The following SLX9 variants were observed in gnomAD, a reference collection of about 807,000 sequenced individuals.
The protein encoded by SLX9 is ribosome biogenesis protein SLX9 homolog.
Under a neutral mutation model 20.8 loss-of-function variants are expected in SLX9, and 19 were observed. The ratio of observed to expected loss-of-function variants is 0.91; its 90% CI spans 0.64 to 1.34. SLX9 has a LOEUF of 1.34. Among genes scored for constraint, SLX9 ranks in the 40% most tolerant of loss-of-function variants. The pLI is 0.00. For synonymous variants in SLX9, 113 were observed against 137.1 expected (o/e 0.82, Z 1.23); for missense variants, 299 against 322.2 (o/e 0.93, Z 0.55).
chr21:44,951,971 C>T (rs1030635672), intron 2 of SLX9, among the ~76,000 whole-genome samples: 10 of 133,132 alleles, frequency 7.5e-5, no homozygotes, highest in Admixed American at 4.2e-4. Context: ...TCCACCTGGT[C>T]CCTGTCCTGG....
At chr21:44,949,252 C>G (rs2084707084) in intron 2 of SLX9, among the ~76,000 whole-genome samples, 1 of 152,176 alleles carries the variant, frequency 6.6e-6, no homozygotes, top group African/African-American at 2.4e-5. Flanking sequence ...CTCCCCCTCG[C>G]ACGGTTTGTG....
chr21:44,961,808 C>T (rs1041882693), intron 3 of SLX9, among the ~76,000 whole-genome samples: 4 of 152,056 alleles, frequency 2.6e-5, no homozygotes, highest in African/African-American at 7.2e-5. Context: ...TGATCACTCC[C>T]GTTTTAGCTT....
At position 44,968,608 on chromosome 21, in the gene SLX9, C is replaced by T. The variant is rs537186625; in HGVS notation, c.500+1427C>T. On this transcript the variant is annotated intron_variant, in intron 4 of 5. Coordinates refer to ENST00000291634, the MANE Select transcript of SLX9 (RefSeq NM_058190.4). ...CTGCCCTTCCCCTGTGGCTGGAAGGCACCACCCAGGTGTGGGTGCTGAGGC... is the reference window on the plus strand; with the variant it reads ...CTGCCCTTCCCCTGTGGCTGGAAGGTACCACCCAGGTGTGGGTGCTGAGGC... Among the ~76,000 whole-genome samples the T allele has an allele frequency of 2.0e-4, 31 of 152,322 alleles. No homozygotes were observed. In the South Asian group the frequency reaches 5.6e-3, roughly 27 times the overall value.
At chr21:44,966,318 G>A (rs2085033255) in intron 3 of SLX9, among the ~76,000 whole-genome samples, 1 of 152,146 alleles carries the variant, frequency 6.6e-6, no homozygotes, top group Admixed American at 6.5e-5. Context: ...CCTGTGTCAC[G>A]AGCTGGCAGT....
intron 2 of SLX9, among the ~76,000 whole-genome samples, chr21:44,953,486 T>C (rs916265778): frequency 6.7e-6 from 1 of 150,368 alleles, no homozygotes; most frequent in African/African-American, 2.5e-5. Flanking sequence ...GAGCCTGTCC[T>C]GCACCATCCC....
intron 2 of SLX9, among the ~76,000 whole-genome samples, chr21:44,944,853 G>A (rs1335189960): frequency 1.3e-5 from 2 of 152,236 alleles, no homozygotes; most frequent in Non-Finnish European, 2.9e-5. Context: ...ACACTTGATC[G>A]CTCTGGGCCT....
intron 1 of SLX9, among the ~76,000 whole-genome samples, chr21:44,942,535 A>C (rs2084567933): frequency 6.6e-6 from 1 of 152,220 alleles, no homozygotes; most frequent in African/African-American, 2.4e-5. Context: ...CCTCATCTGC[A>C]TCCTGTCTCC....
intron 4 of SLX9, among the ~76,000 whole-genome samples, chr21:44,969,503 C>T (rs2085104274): frequency 6.6e-6 from 1 of 152,210 alleles, no homozygotes; most frequent in Non-Finnish European, 1.5e-5. Flanking sequence ...CTGAGAGCCT[C>T]CTGTCGCTGG....
At chr21:44,965,908 G>A (rs1056748978) in intron 3 of SLX9, among the ~76,000 whole-genome samples, 9 of 152,072 alleles carry the variant, frequency 5.9e-5, no homozygotes, top group Middle Eastern at 3.2e-3. Context: ...GCCGAGTAAC[G>A]TGTCTACCAC....
intron 2 of SLX9, among the ~76,000 whole-genome samples, chr21:44,955,089 G>A (rs925852879): frequency 1.3e-4 from 20 of 151,988 alleles, no homozygotes; most frequent in African/African-American, 4.8e-4. Flanking sequence ...GGTGGTGTGT[G>A]CCTGTAATTC....
At chr21:44,965,102 C>A (rs1303953114) in intron 3 of SLX9, among the ~76,000 whole-genome samples, 1 of 152,214 alleles carries the variant, frequency 6.6e-6, no homozygotes, top group Non-Finnish European at 1.5e-5. Flanking sequence ...AATGTTTTTA[C>A]TATTCTTATG....
At chr21:44,950,732 G>A (rs959577323) in intron 2 of SLX9, among the ~76,000 whole-genome samples, 13 of 152,366 alleles carry the variant, frequency 8.5e-5, no homozygotes, top group African/African-American at 3.1e-4. Context: ...CAGACATAGT[G>A]CTGTTTCCTC....
intron 2 of SLX9, among the ~76,000 whole-genome samples, chr21:44,945,864 TGCCACCACGCCCAGCTAAC>T (rs937137863): frequency 5.9e-5 from 9 of 152,348 alleles, no homozygotes; most frequent in Non-Finnish European, 8.8e-5. Flanking sequence ...AACAGGCACA[TGCCACCACGCCCAGCTAAC>T]GCCACCACGC....
intron 2 of SLX9, among the ~76,000 whole-genome samples, chr21:44,954,591 C>T (rs2084820506): frequency 6.6e-6 from 1 of 152,162 alleles, no homozygotes; most frequent in Non-Finnish European, 1.5e-5. Flanking sequence ...GGCACAGGGC[C>T]CAGTGGTGGA....
upstream of SLX9, chr21:44,939,939 G>A: frequency 9.0e-7 from 1 of 1,106,432 alleles, no homozygotes; most frequent in Non-Finnish European, 1.2e-6. Context: ...GCCGCTTCCG[G>A]GTACTTCCGG....
intron 3 of SLX9, among the ~76,000 whole-genome samples, chr21:44,965,346 C>T (rs574843018): frequency 3.3e-5 from 5 of 152,296 alleles, no homozygotes; most frequent in African/African-American, 1.2e-4. Context: ...GGGTCCCGCC[C>T]CGCCACTGCC....
intron 2 of SLX9, among the ~76,000 whole-genome samples, chr21:44,948,931 C>G (rs1601381260): frequency 6.6e-6 from 1 of 152,192 alleles, no homozygotes; most frequent in East Asian, 1.9e-4. Flanking sequence ...CCATTGCAGG[C>G]CAGCGCCAAG....
rs151261709 is a variant in SLX9 at position 44,962,130 on chromosome 21, T to C, written c.352+1962T>C. Among the ~76,000 whole-genome samples the C allele has an allele frequency of 7.9e-5, 12 of 152,366 alleles. No individual in the cohort carries two copies. The East Asian group carries it at 2.1e-3, about 27-fold the overall frequency. ...CATCAGTACACTCCACCCCAAATAA[T>C]TCTGCTAGAGTTCATGGTTCTTTTT... is the stretch of plus-strand genomic sequence containing the variant. On this transcript the variant is annotated intron_variant, in intron 3 of 5. Coordinates refer to ENST00000291634, the MANE Select transcript of SLX9 (RefSeq NM_058190.4).
chr21:44,944,623 T>C (rs939350757), intron 2 of SLX9, among the ~76,000 whole-genome samples: 2 of 152,242 alleles, frequency 1.3e-5, no homozygotes, highest in Admixed American at 6.5e-5. Flanking sequence ...TTTTACATCT[T>C]GACAGCCTTG....
Sources: allele counts gnomAD v4.1 joint callset (sites outside exome capture counted in the v4.1 genomes callset), GRCh38; gene constraint gnomAD v4.1.1; transcripts MANE v1.5; gene names NCBI Gene and HGNC (gene_info 2026-07-23, HGNC 2026-07-21).